The following COL23A1 variants were observed in gnomAD, a reference collection of about 807,000 sequenced individuals.
COL23A1 encodes the protein collagen type XXIII alpha 1 chain, also known as collagen alpha-1(XXIII) chain.
COL23A1 carries 97 observed loss-of-function variants against 99.3 expected under a neutral mutation model. That is an observed-to-expected ratio of 0.98 (90% CI 0.83 to 1.16). COL23A1 has a LOEUF of 1.16. Among genes scored for constraint, COL23A1 ranks in the 50% most tolerant of loss-of-function variants. COL23A1 has a pLI of 0.00. For synonymous variants in COL23A1, 320 were observed against 308.2 expected (o/e 1.04, Z -0.40); for missense variants, 762 against 757.4 (o/e 1.01, Z -0.07).
At chr5:178,259,614 C>G in intron 12 of COL23A1, 107 bp downstream of exon 12, 1 of 1,131,100 alleles carries the variant, frequency 8.8e-7, no homozygotes, top group Non-Finnish European at 1.2e-6. Flanking sequence ...GGTTGGCTCC[C>G]AGCCCATCCC....
chr5:178,326,114 G>A (rs1581157435), intron 2 of COL23A1, among the ~76,000 whole-genome samples: 1 of 152,056 alleles, frequency 6.6e-6, no homozygotes, highest in South Asian at 2.1e-4. Context: ...ATTTATGAGC[G>A]GGGGAGTATT....
At chr5:178,290,410 G>A in intron 3 of COL23A1, 41 bp from the exon 4 acceptor site, 1 of 1,613,982 alleles carries the variant, frequency 6.2e-7, no homozygotes, top group Non-Finnish European at 8.5e-7. Context: ...AGTGTGGAAG[G>A]CAGAGTCCCC....
chr5:178,401,500 T>C (rs997601849), intron 2 of COL23A1, among the ~76,000 whole-genome samples: 1 of 152,266 alleles, frequency 6.6e-6, no homozygotes, highest in Non-Finnish European at 1.5e-5. Context: ...TCTGTTCCTG[T>C]TTATTGCTGC....
intron 2 of COL23A1, among the ~76,000 whole-genome samples, chr5:178,498,287 TA>T (rs1348178800): frequency 1.8e-5 from 2 of 108,442 alleles, no homozygotes; most frequent in Non-Finnish European, 4.1e-5. Context: ...AAAATAAAAA[TA>T]AAAAATTAAA....
intron 2 of COL23A1, among the ~76,000 whole-genome samples, chr5:178,405,445 T>C (rs762390771): frequency 2.0e-5 from 3 of 152,262 alleles, no homozygotes; most frequent in African/African-American, 7.2e-5. Flanking sequence ...GGTTTTTGTA[T>C]GCTTAAACAC....
chr5:178,460,869 C>G (rs2546632), intron 2 of COL23A1, among the ~76,000 whole-genome samples: 114,847 of 152,112 alleles, frequency 0.76, 44,389 homozygotes, highest in Non-Finnish European at 0.84. Context: ...TCAGTCAGTG[C>G]GGGAGGGAAG....
chr5:178,386,590 G>A (rs539494788), intron 2 of COL23A1, among the ~76,000 whole-genome samples: 2 of 152,068 alleles, frequency 1.3e-5, no homozygotes, highest in African/African-American at 4.8e-5. Flanking sequence ...CCAGAGGGGG[G>A]TCGGGGTGGG....
chr5:178,253,235 C>T (rs575321081), intron 16 of COL23A1, among the ~76,000 whole-genome samples: 1 of 152,092 alleles, frequency 6.6e-6, no homozygotes, highest in Non-Finnish European at 1.5e-5. Context: ...AAAACTGCAC[C>T]CTGCCCAGCC....
intron 2 of COL23A1, among the ~76,000 whole-genome samples, chr5:178,436,443 AG>A (rs1003305031): frequency 2.0e-5 from 3 of 150,532 alleles, no homozygotes; most frequent in Non-Finnish European, 4.4e-5. Flanking sequence ...CTGGAAGGGG[AG>A]GGCAGGAAGA....
At chr5:178,344,851 G>A (rs112428216) in intron 2 of COL23A1, 1 of 749,930 alleles carries the variant, frequency 1.3e-6, no homozygotes, top group Non-Finnish European at 2.3e-6. Flanking sequence ...AGATGGCGGG[G>A]CGATCTGTGT....
chr5:178,256,714 C>T (rs1581463974), intron 14 of COL23A1, 152 bp downstream of exon 14: 1 of 736,204 alleles, frequency 1.4e-6, no homozygotes, highest in South Asian at 2.0e-5. Flanking sequence ...TGCCCCCACA[C>T]CAGCTTCTGA....
intron 2 of COL23A1, among the ~76,000 whole-genome samples, chr5:178,445,395 C>G (rs1442322735): frequency 2.6e-5 from 4 of 152,114 alleles, no homozygotes; most frequent in Non-Finnish European, 5.9e-5. Flanking sequence ...ATCAGATGCC[C>G]TAAGTGTCTC....
chr5:178,509,305 T>A (rs1759065840), intron 2 of COL23A1, among the ~76,000 whole-genome samples: 1 of 151,910 alleles, frequency 6.6e-6, no homozygotes, highest in African/African-American at 2.4e-5. Flanking sequence ...CACTGCAACC[T>A]CTGCCTCCTA....
chr5:178,362,516 A>C (rs1762227605), intron 2 of COL23A1, among the ~76,000 whole-genome samples: 2 of 150,898 alleles, frequency 1.3e-5, no homozygotes, highest in South Asian at 2.1e-4. Flanking sequence ...CACCCTCCCC[A>C]CTCTCAGTCC....
intron 2 of COL23A1, among the ~76,000 whole-genome samples, chr5:178,320,733 G>T (rs1759249950): frequency 6.6e-6 from 1 of 152,272 alleles, no homozygotes; most frequent in African/African-American, 2.4e-5. Flanking sequence ...CTGAGGCCCG[G>T]CTTCCGCCAA....
rs1437713703 is a variant in COL23A1 at position 178,255,021 on chromosome 5, G to A, written c.888C>T (p.Ala296=). 1 of 1,613,122 alleles carries A rather than the reference G, an allele frequency of 6.2e-7. No individual in the cohort carries two copies. Among genetic ancestry groups the A allele is most frequent in the Admixed American group, 1.7e-5 (1 of 59,970 alleles). The change falls in exon 16 of 29, where the codon GCC becomes GCT. Residue 296 remains alanine (A), a synonymous_variant. Coordinates refer to ENST00000390654, the MANE Select transcript of COL23A1 (RefSeq NM_173465.4). The surrounding 1 kb of genome is among the most constrained non-coding windows in gnomAD (Gnocchi z 4.2). ...GTDGAAGPRG[A]PGLKGEQGDT... is the part of the protein sequence containing the mutation. ...CTCCCTGCTCGCCCTTGAGGCCTGG[G>A]GCACCCTGAGGCAGGAAGAAGAGTA...
chr5:178,575,548 T>C (rs2113681964), intron 1 of COL23A1, among the ~76,000 whole-genome samples: 1 of 152,320 alleles, frequency 6.6e-6, no homozygotes, highest in Admixed American at 6.5e-5. Context: ...TCCACCTATC[T>C]TTTTGGAAGA....
At chr5:178,400,292 G>C (rs1218816752) in intron 2 of COL23A1, among the ~76,000 whole-genome samples, 1 of 151,054 alleles carries the variant, frequency 6.6e-6, no homozygotes, top group East Asian at 2.0e-4. Context: ...GCGTGAACCT[G>C]GGAGGCGGAG....
chr5:178,331,704 A>G (rs1378511894), intron 2 of COL23A1, among the ~76,000 whole-genome samples: 1 of 152,222 alleles, frequency 6.6e-6, no homozygotes, highest in Non-Finnish European at 1.5e-5. Flanking sequence ...GGGCTGGGCC[A>G]TGTGCAGAGT....
Sources: allele counts gnomAD v4.1 joint callset (sites outside exome capture counted in the v4.1 genomes callset), GRCh38; gene constraint gnomAD v4.1.1; non-coding constraint Gnocchi (gnomAD v3.1); transcripts MANE v1.5; gene names NCBI Gene and HGNC (gene_info 2026-07-23, HGNC 2026-07-21).